Variants in GUCY1A2 observed in about 807,000 individuals in gnomAD.
GUCY1A2 encodes the protein guanylate cyclase 1 soluble subunit alpha 2.
A neutral mutation model predicts 63.5 loss-of-function variants in GUCY1A2; 27 were observed. The ratio of observed to expected loss-of-function variants is 0.43; its 90% confidence interval spans 0.31 to 0.59. GUCY1A2 has a LOEUF of 0.59. Ranked by LOEUF, GUCY1A2 falls within the 20% of genes least tolerant of loss-of-function variation. The probability of loss-of-function intolerance (pLI) is 0.11; values close to 1 mark genes in which losing one functional copy is unlikely to be tolerated. For missense variants in GUCY1A2, 768 were observed against 913.3 expected (o/e 0.84, Z 2.05); for synonymous variants, 364 against 343.5 (o/e 1.06, Z -0.66).
chr11:106,864,907 G>A (rs1055907969), intron 4 of GUCY1A2, among the ~76,000 whole-genome samples: 1 of 152,036 alleles, frequency 6.6e-6, no homozygotes, highest in African/African-American at 2.4e-5. Context: ...CCAGGTTTTG[G>A]TATCAGGATG....
At chr11:106,985,236 G>A (rs1012342260) in intron 2 of GUCY1A2, among the ~76,000 whole-genome samples, 1 of 152,160 alleles carries the variant, frequency 6.6e-6, no homozygotes, top group Non-Finnish European at 1.5e-5. Flanking sequence ...ATAAATCACT[G>A]TACCATATAA....
At chr11:106,799,675 A>G (rs765524026) in intron 5 of GUCY1A2, among the ~76,000 whole-genome samples, 2 of 152,214 alleles carry the variant, frequency 1.3e-5, no homozygotes, top group Non-Finnish European at 2.9e-5. Flanking sequence ...TGCTGGGAAA[A>G]CTGGCTAGCC....
At chr11:106,811,634 T>C (rs1858763570) in intron 4 of GUCY1A2, among the ~76,000 whole-genome samples, 1 of 152,064 alleles carries the variant, frequency 6.6e-6, no homozygotes, top group South Asian at 2.1e-4. Context: ...ATTTTTACTT[T>C]TCTCCCTTGT....
At chr11:106,891,866 T>C (rs1354067946) in intron 4 of GUCY1A2, among the ~76,000 whole-genome samples, 1 of 152,126 alleles carries the variant, frequency 6.6e-6, no homozygotes, top group African/African-American at 2.4e-5. Flanking sequence ...CTTGAAGAAA[T>C]GTCTTAGCTA....
At position 106,978,605 on chromosome 11, in the gene GUCY1A2, T is replaced by C. The variant is rs370383075; in HGVS notation, c.487+14A>G. Reference sequence around the variant, plus strand: ...ATTCTCTCTCATCCATATAAATATATATAGTTAATATACCGAGTATATTAG... The same window carrying C: ...ATTCTCTCTCATCCATATAAATATACATAGTTAATATACCGAGTATATTAG... On this transcript the variant is annotated intron_variant, in intron 3 of 7. Coordinates refer to ENST00000526355, the MANE Select transcript of GUCY1A2 (RefSeq NM_000855.3). The C allele has an allele frequency of 1.8e-4, 257 of 1,438,870 alleles. No individual in the cohort carries two copies. Among genetic ancestry groups the C allele is most frequent in the Non-Finnish European group, 2.4e-4 (246 of 1,040,150 alleles). 89.1% of individuals were successfully genotyped at this position (1,438,870 alleles called of 1,614,324 possible). A position where few individuals can be genotyped will look rare whatever the true frequency, so the allele number is the denominator to read the frequency against.
intron 4 of GUCY1A2, among the ~76,000 whole-genome samples, chr11:106,909,495 C>T (rs940344075): frequency 2.6e-5 from 4 of 151,472 alleles, no homozygotes; most frequent in African/African-American, 9.7e-5. Flanking sequence ...TGGTGTTGCC[C>T]CTTTATAATC....
chr11:106,741,838 C>T (rs1038819491), intron 6 of GUCY1A2, among the ~76,000 whole-genome samples: 2 of 152,178 alleles, frequency 1.3e-5, no homozygotes, highest in Admixed American at 1.3e-4. Context: ...AAAATGTCAA[C>T]AATCAAGTGC....
intron 3 of GUCY1A2, among the ~76,000 whole-genome samples, chr11:106,972,695 A>G (rs182279684): frequency 6.6e-6 from 1 of 152,240 alleles, no homozygotes; most frequent in East Asian, 1.9e-4. Context: ...AATATCTAGG[A>G]GAAGAGGGAA....
At chr11:106,942,914 C>T (rs1565338827) in intron 3 of GUCY1A2, among the ~76,000 whole-genome samples, 1 of 152,046 alleles carries the variant, frequency 6.6e-6, no homozygotes, top group South Asian at 2.1e-4. Flanking sequence ...CTAAGGAATA[C>T]CAGATGCTAA....
intron 5 of GUCY1A2, among the ~76,000 whole-genome samples, chr11:106,799,952 G>A (rs1864840424): frequency 1.3e-5 from 2 of 152,176 alleles, no homozygotes; most frequent in South Asian, 2.1e-4. Flanking sequence ...GAGTGAACAG[G>A]CAACCTACAA....
At chr11:106,852,348 T>C (rs550065162) in intron 4 of GUCY1A2, among the ~76,000 whole-genome samples, 25 of 152,232 alleles carry the variant, frequency 1.6e-4, no homozygotes, top group African/African-American at 5.3e-4. Context: ...CAGTACTATG[T>C]TGAATAAGAG....
At chr11:106,854,811 G>T (rs79998539) in intron 4 of GUCY1A2, among the ~76,000 whole-genome samples, 5,770 of 152,200 alleles carry the variant, frequency 0.038, 579 homozygotes, top group East Asian at 0.25. Context: ...GTGGAGGGGA[G>T]GTTGTTCTGA....
intron 4 of GUCY1A2, among the ~76,000 whole-genome samples, chr11:106,858,687 G>C (rs554821793): frequency 3.3e-5 from 5 of 152,184 alleles, no homozygotes; most frequent in Non-Finnish European, 7.4e-5. Context: ...ACAAATATGT[G>C]AGAGACAAAT....
intron 4 of GUCY1A2, among the ~76,000 whole-genome samples, chr11:106,919,645 A>G (rs1364566345): frequency 6.6e-6 from 1 of 152,126 alleles, no homozygotes; most frequent in African/African-American, 2.4e-5. Context: ...TTGAGATCTG[A>G]AGGACAAAAA....
chr11:106,818,529 T>A (rs1034136323), intron 4 of GUCY1A2, among the ~76,000 whole-genome samples: 3 of 152,112 alleles, frequency 2.0e-5, no homozygotes, highest in African/African-American at 7.2e-5. Context: ...ACAACAATAT[T>A]GAAATTAGAC....
intron 6 of GUCY1A2, among the ~76,000 whole-genome samples, chr11:106,721,527 C>T (rs536020093): frequency 2.6e-5 from 4 of 151,900 alleles, no homozygotes; most frequent in Non-Finnish European, 5.9e-5. Flanking sequence ...GTACATACAC[C>T]CCATACTCTA....
chr11:106,734,425 T>C (rs1208650645), intron 6 of GUCY1A2, among the ~76,000 whole-genome samples: 5 of 152,074 alleles, frequency 3.3e-5, no homozygotes, highest in Admixed American at 6.6e-5. Flanking sequence ...CCTTTTACAA[T>C]AGGTTTGAAA....
intron 7 of GUCY1A2, among the ~76,000 whole-genome samples, chr11:106,690,758 A>C (rs1016211299): frequency 4.6e-5 from 7 of 152,318 alleles, no homozygotes; most frequent in Middle Eastern, 3.4e-3. Context: ...AAATGAGTTC[A>C]GAATAAGTTA....
At chr11:106,740,943 G>A (rs1159239419) in intron 6 of GUCY1A2, among the ~76,000 whole-genome samples, 1 of 152,144 alleles carries the variant, frequency 6.6e-6, no homozygotes, top group Non-Finnish European at 1.5e-5. Context: ...AAAGTGCTGG[G>A]ATTACAAGCA....
Sources: allele counts gnomAD v4.1 joint callset (sites outside exome capture counted in the v4.1 genomes callset), GRCh38; gene constraint gnomAD v4.1.1; transcripts MANE v1.5; gene names NCBI Gene and HGNC (gene_info 2026-07-23, HGNC 2026-07-21).